The following KIF18A variants were observed in gnomAD, a reference collection of about 807,000 sequenced individuals.
KIF18A encodes the protein kinesin-like protein KIF18A.
KIF18A carries 67 observed loss-of-function variants against 103.3 expected under a neutral mutation model. That is an observed-to-expected ratio of 0.65 (90% CI 0.53 to 0.79). The LOEUF is 0.79. KIF18A is among the 30% of genes least tolerant of loss of function. The probability of loss-of-function intolerance (pLI) is 0.00; values close to 1 mark genes in which losing one functional copy is unlikely to be tolerated. For missense variants in KIF18A, 1,032 were observed against 1,062.5 expected, an observed-to-expected ratio of 0.97 and a Z score of 0.40; for synonymous variants, 367 against 355.5, an observed-to-expected ratio of 1.03 and a Z score of -0.36.
At chr11:28,060,845 A>G (rs1850848089) in intron 12 of KIF18A, among the ~76,000 whole-genome samples, 1 of 152,226 alleles carries the variant, frequency 6.6e-6, no homozygotes, top group African/African-American at 2.4e-5. Context: ...AACCTGGGAC[A>G]TGGAACTCAA....
intron 12 of KIF18A, among the ~76,000 whole-genome samples, chr11:28,061,593 TAA>T (rs1054479865): frequency 6.6e-6 from 1 of 152,136 alleles, no homozygotes; most frequent in African/African-American, 2.4e-5. Flanking sequence ...ACAGAAAGTA[TAA>T]AGAGATTAGT....
At position 28,036,569 on chromosome 11, in the gene KIF18A, G is replaced by C. The variant is rs747999642; in HGVS notation, c.2044C>G (p.Leu682Val). The change falls in exon 14 of 17, where the codon CTA (leucine) becomes GTA (valine). Residue 682 changes from leucine to valine, a missense_variant. Transcript: ENST00000263181. ...MPSPLKGQHTLKSPPSQSVQL... is the reference protein window; with the variant it reads ...MPSPLKGQHTVKSPPSQSVQL... Reference sequence around the variant, plus strand: ...ACACTTTGAGATGGTGGAGACTTTAGAGTATGCTGTCCTTTCAAGGGAGAT... The same window carrying C: ...ACACTTTGAGATGGTGGAGACTTTACAGTATGCTGTCCTTTCAAGGGAGAT... The C allele has an allele frequency of 9.3e-6, 15 of 1,610,882 alleles. No individual in the cohort carries two copies. The highest frequency in any genetic ancestry group is 1.2e-5 in the Non-Finnish European group (14 of 1,177,962).
At chr11:28,070,907 T>A (rs978471409) in intron 10 of KIF18A, among the ~76,000 whole-genome samples, 1 of 152,106 alleles carries the variant, frequency 6.6e-6, no homozygotes, top group Non-Finnish European at 1.5e-5. Context: ...TTTAGGCTGG[T>A]TTCGTGGCAT....
chr11:28,097,448 T>C (rs1565091797), intron 2 of KIF18A, 175 bp downstream of exon 2: 1 of 600,244 alleles, frequency 1.7e-6, no homozygotes, highest in Non-Finnish European at 2.9e-6. Context: ...AAGTTATATA[T>C]GATAACTAAA....
At chr11:28,060,249 TCA>T (rs1850841338) in intron 12 of KIF18A, among the ~76,000 whole-genome samples, 1 of 152,226 alleles carries the variant, frequency 6.6e-6, no homozygotes, top group Admixed American at 6.5e-5. Flanking sequence ...TTGAAATGAT[TCA>T]GTCCTGGAAT....
chr11:28,026,514 A>T (rs1850323557), intron 15 of KIF18A, among the ~76,000 whole-genome samples: 1 of 151,782 alleles, frequency 6.6e-6, no homozygotes, highest in Non-Finnish European at 1.5e-5. Flanking sequence ...ATGTAATAGA[A>T]CAATTAATAG....
chr11:28,101,446 A>G (rs532506224), intron 1 of KIF18A, among the ~76,000 whole-genome samples: 2 of 152,288 alleles, frequency 1.3e-5, no homozygotes, highest in African/African-American at 4.8e-5. Flanking sequence ...TTAATTAGTT[A>G]ATTAATTCAT....
intron 13 of KIF18A, among the ~76,000 whole-genome samples, chr11:28,048,083 G>C (rs1040160693): frequency 6.6e-6 from 1 of 152,094 alleles, no homozygotes; most frequent in Non-Finnish European, 1.5e-5. Flanking sequence ...GGAAGAGGCA[G>C]TTAATTCAGA....
In KIF18A at chr11:28,036,302, T is replaced by C; in HGVS notation, c.2311A>G (p.Thr771Ala). Reference sequence around the variant, plus strand: ...GAGCTCTTGATGTCTTCACATATAGTAAATGTAGAGTCCAAGTCCTCCTGT... The same window carrying C: ...GAGCTCTTGATGTCTTCACATATAGCAAATGTAGAGTCCAAGTCCTCCTGT... ...CGQEDLDSTF[T>A]ICEDIKSSKC... The change falls in exon 14 of 17, where the codon ACT (threonine) becomes GCT (alanine). Residue 771 changes from threonine to alanine, a missense_variant. Physicochemically the swap from Thr to Ala is moderately conservative, Grantham distance 58. Coordinates refer to ENST00000263181, the MANE Select transcript of KIF18A (RefSeq NM_031217.4). 6.2e-7 allele frequency: 1 copy of C among 1,610,614 alleles called. No homozygotes were observed. The highest frequency in any genetic ancestry group is 8.5e-7 in the Non-Finnish European group (1 of 1,177,806).
At chr11:28,058,354 C>T (rs1352489078) in intron 13 of KIF18A, among the ~76,000 whole-genome samples, 5 of 151,258 alleles carry the variant, frequency 3.3e-5, no homozygotes, top group African/African-American at 9.7e-5. Context: ...ATTGTTCCAT[C>T]AAAAATAGAT....
chr11:28,028,716 T>C (rs1850353765), intron 15 of KIF18A, among the ~76,000 whole-genome samples: 1 of 151,956 alleles, frequency 6.6e-6, no homozygotes, highest in Non-Finnish European at 1.5e-5. Flanking sequence ...CAAAAAACCC[T>C]TCAAAAAATC....
At chr11:28,074,107 T>C (rs577913217) in intron 10 of KIF18A, among the ~76,000 whole-genome samples, 1 of 152,120 alleles carries the variant, frequency 6.6e-6, no homozygotes, top group African/African-American at 2.4e-5. Context: ...TCTGAGCTAC[T>C]TGGGAGGTTT....
intron 15 of KIF18A, among the ~76,000 whole-genome samples, chr11:28,034,584 A>G (rs1850457279): frequency 6.6e-6 from 1 of 151,738 alleles, no homozygotes. Flanking sequence ...CTTAGCAGCT[A>G]CTTTCAGCTA....
chr11:28,040,937 C>T (rs1252176358), intron 13 of KIF18A, among the ~76,000 whole-genome samples: 3 of 151,526 alleles, frequency 2.0e-5, no homozygotes, highest in African/African-American at 4.8e-5. Context: ...CAAATAATAA[C>T]AGGAAGCATA....
intron 12 of KIF18A, among the ~76,000 whole-genome samples, chr11:28,060,276 T>C (rs1445853547): frequency 6.6e-6 from 1 of 152,204 alleles, no homozygotes; most frequent in Admixed American, 6.5e-5. Context: ...AGTCCATCAA[T>C]AGATGATGTT....
intron 10 of KIF18A, among the ~76,000 whole-genome samples, chr11:28,074,785 G>A (rs1229980501): frequency 6.6e-6 from 1 of 152,062 alleles, no homozygotes; most frequent in Non-Finnish European, 1.5e-5. Context: ...CATGTTTGGG[G>A]TGGTAGTTTG....
chr11:28,066,837 T>C (rs888943812), intron 11 of KIF18A, among the ~76,000 whole-genome samples: 26 of 148,916 alleles, frequency 1.7e-4, no homozygotes, highest in Admixed American at 1.7e-3. Flanking sequence ...TATTATATGA[T>C]GCAGTTAACT....
chr11:28,022,993 G>A (rs1850265908), intron 16 of KIF18A, among the ~76,000 whole-genome samples: 1 of 152,152 alleles, frequency 6.6e-6, no homozygotes, highest in Non-Finnish European at 1.5e-5. Context: ...TTCCTATAGA[G>A]AACAATCAAA....
intron 13 of KIF18A, among the ~76,000 whole-genome samples, chr11:28,052,922 A>G (rs552770682): frequency 1.1e-4 from 16 of 152,230 alleles, no homozygotes; most frequent in African/African-American, 3.4e-4. Context: ...CAGAAAAAAG[A>G]CTCTTCAATT....
Sources: gnomAD v4.1 joint callset for allele counts (sites outside exome capture counted in the v4.1 genomes callset) on GRCh38, gnomAD v4.1.1 for gene constraint, MANE v1.5 for transcripts, NCBI Gene and HGNC (gene_info 2026-07-23, HGNC 2026-07-21) for gene names.